The following ADARB2 variants were observed in gnomAD, a reference collection of about 807,000 sequenced individuals.
ADARB2 encodes the protein adenosine deaminase RNA specific B2 (inactive), also known as inactive double-stranded RNA-specific editase B2.
ADARB2 carries 25 observed loss-of-function variants against 62.2 expected under a neutral mutation model. The ratio of observed to expected loss-of-function variants is 0.40; its 90% CI spans 0.29 to 0.56. The LOEUF (loss-of-function observed/expected upper bound fraction) is 0.56, where lower values mean the gene tolerates loss of function less well. Ranked by LOEUF, ADARB2 falls within the 20% of genes least tolerant of loss-of-function variation. The pLI is 0.43. For synonymous variants in ADARB2, 572 were observed against 500.8 expected, an observed-to-expected ratio of 1.14 and a Z score of -1.90; for missense variants, 1,071 against 1,077.4, an observed-to-expected ratio of 0.99 and a Z score of 0.08.
At chr10:1,664,642 C>T (rs986548695) in intron 1 of ADARB2, among the ~76,000 whole-genome samples, 10 of 152,278 alleles carry the variant, frequency 6.6e-5, no homozygotes, top group African/African-American at 1.2e-4. Context: ...TCATCTCGGT[C>T]GTCTGGTAGG....
intron 1 of ADARB2, among the ~76,000 whole-genome samples, chr10:1,640,269 G>C (rs1013829463): frequency 6.6e-6 from 1 of 152,212 alleles, no homozygotes; most frequent in Non-Finnish European, 1.5e-5. Context: ...AAGGGGTTGA[G>C]TTCAAGCTCT....
chr10:1,332,564 A>AT (rs566783057), intron 3 of ADARB2, among the ~76,000 whole-genome samples: 94 of 141,028 alleles, frequency 6.7e-4, no homozygotes, highest in African/African-American at 2.2e-3. Flanking sequence ...CATATTTTTG[A>AT]TATTTTGAGT....
chr10:1,315,608 C>T lies in ADARB2; in HGVS notation c.1078-44539G>A, dbSNP rs911803188. Among the ~76,000 whole-genome samples the T allele has an allele frequency of 2.4e-4, 37 of 152,316 alleles. 2 individuals are homozygous for T. Among genetic ancestry groups the T allele is most frequent in the East Asian group, 1.9e-4 (1 of 5,174 alleles). On this transcript the variant is annotated intron_variant, in intron 3 of 9. Coordinates refer to ENST00000381312, the MANE Select transcript of ADARB2 (RefSeq NM_018702.4). ...CCTCGGAAGCCAGGAAGGGAGGTGC[C>T]GTGGTTGCTCCCACAATGGGCCCTA...
intron 3 of ADARB2, among the ~76,000 whole-genome samples, chr10:1,354,276 A>G (rs1481684272): frequency 6.6e-6 from 1 of 152,192 alleles, no homozygotes; most frequent in Non-Finnish European, 1.5e-5. Context: ...CTGCAGGTAC[A>G]CATCCATCTG....
At chr10:1,227,735 C>G (rs573051668) in intron 6 of ADARB2, among the ~76,000 whole-genome samples, 1 of 151,974 alleles carries the variant, frequency 6.6e-6, no homozygotes, top group African/African-American at 2.4e-5. Context: ...AGAGAGAGCA[C>G]CAAAAATGAA....
intron 3 of ADARB2, among the ~76,000 whole-genome samples, chr10:1,328,922 G>A (rs1831902052): frequency 6.8e-6 from 1 of 147,268 alleles, no homozygotes; most frequent in South Asian, 2.1e-4. Flanking sequence ...AACACAGGTG[G>A]GAAAGTCAAG....
intron 1 of ADARB2, among the ~76,000 whole-genome samples, chr10:1,413,599 A>T (rs1832776936): frequency 6.6e-6 from 1 of 152,024 alleles, no homozygotes; most frequent in Non-Finnish European, 1.5e-5. Flanking sequence ...CAGAGAAGAA[A>T]CCTGGACACA....
intron 7 of ADARB2, among the ~76,000 whole-genome samples, chr10:1,203,939 G>A (rs937852244): frequency 5.9e-5 from 9 of 152,166 alleles, no homozygotes; most frequent in Non-Finnish European, 1.0e-4. Context: ...GGTGAGGCCC[G>A]GCAGTGCAAG....
intron 1 of ADARB2, among the ~76,000 whole-genome samples, chr10:1,715,056 T>TATC (rs952206185): frequency 2.1e-5 from 3 of 144,402 alleles, no homozygotes; most frequent in Non-Finnish European, 4.5e-5. Flanking sequence ...AAGGGGCTTT[T>TATC]ATCATCATCA....
chr10:1,267,124 T>G (rs1831212032), intron 4 of ADARB2, among the ~76,000 whole-genome samples: 1 of 150,098 alleles, frequency 6.7e-6, no homozygotes. Flanking sequence ...AAACATATTC[T>G]TAAATCCAAG....
chr10:1,317,828 T>G (rs1280186948), intron 3 of ADARB2, among the ~76,000 whole-genome samples: 1 of 152,080 alleles, frequency 6.6e-6, no homozygotes, highest in Non-Finnish European at 1.5e-5. Context: ...GCCCAGCTTG[T>G]AGGGGTGGCT....
chr10:1,539,243 A>G (rs576684926), intron 1 of ADARB2, among the ~76,000 whole-genome samples: 1 of 152,238 alleles, frequency 6.6e-6, no homozygotes, highest in East Asian at 1.9e-4. Flanking sequence ...TCGTTTATTT[A>G]TTTTTTGGTT....
At chr10:1,652,870 C>T (rs896106701) in intron 1 of ADARB2, among the ~76,000 whole-genome samples, 11 of 152,154 alleles carry the variant, frequency 7.2e-5, no homozygotes, top group East Asian at 5.8e-4. Flanking sequence ...CCAGCCGATC[C>T]GTGACAGTGA....
intron 1 of ADARB2, among the ~76,000 whole-genome samples, chr10:1,444,244 A>G (rs1411933605): frequency 7.2e-6 from 1 of 138,136 alleles, no homozygotes; most frequent in African/African-American, 2.9e-5. Context: ...CCACCCATCT[A>G]TCCATCCATT....
intron 1 of ADARB2, among the ~76,000 whole-genome samples, chr10:1,729,280 C>T (rs1384110779): frequency 6.6e-6 from 1 of 152,158 alleles, no homozygotes; most frequent in African/African-American, 2.4e-5. Context: ...TTTATAAAAA[C>T]AATGTCCTTT....
chr10:1,370,279 AC>A (rs1832357108), intron 2 of ADARB2, among the ~76,000 whole-genome samples: 1 of 149,432 alleles, frequency 6.7e-6, no homozygotes, highest in East Asian at 2.0e-4. Flanking sequence ...CTGTCAACAA[AC>A]TAGGCATTGT....
At chr10:1,531,846 G>GA (rs145279941) in intron 1 of ADARB2, among the ~76,000 whole-genome samples, 43 of 148,938 alleles carry the variant, frequency 2.9e-4, no homozygotes, top group South Asian at 6.4e-4. Context: ...CAAAAAAAAA[G>GA]AAAAAAAAAA....
At chr10:1,573,046 G>A (rs1588307586) in intron 1 of ADARB2, among the ~76,000 whole-genome samples, 1 of 152,260 alleles carries the variant, frequency 6.6e-6, no homozygotes. Context: ...CCAGGCTCCT[G>A]CAGGCCAGCG....
intron 1 of ADARB2, among the ~76,000 whole-genome samples, chr10:1,565,067 C>T (rs1183429145): frequency 1.3e-5 from 2 of 152,192 alleles, no homozygotes; most frequent in Non-Finnish European, 2.9e-5. Flanking sequence ...GCTCTCCTCG[C>T]CTGGAATGAT....
Sources: allele counts gnomAD v4.1 joint callset (sites outside exome capture counted in the v4.1 genomes callset), GRCh38; gene constraint gnomAD v4.1.1; transcripts MANE v1.5; gene names NCBI Gene and HGNC (gene_info 2026-07-23, HGNC 2026-07-21).